The following PPIF variants were observed in gnomAD, a reference collection of about 807,000 sequenced individuals.
PPIF encodes peptidylprolyl isomerase F.
A neutral mutation model predicts 20.2 loss-of-function variants in PPIF; 23 were observed. The ratio of observed to expected loss-of-function variants is 1.14; its 90% confidence interval spans 0.82 to 1.61. The LOEUF (loss-of-function observed/expected upper bound fraction) is 1.61. Among genes scored for constraint, PPIF ranks in the 40% most tolerant of loss-of-function variants. The probability of loss-of-function intolerance (pLI) is 0.00; values close to 1 mark genes in which losing one functional copy is unlikely to be tolerated. For synonymous variants in PPIF, 113 were observed against 123.1 expected, an observed-to-expected ratio of 0.92 and a Z score of 0.54; for missense variants, 287 against 291.6, an observed-to-expected ratio of 0.98 and a Z score of 0.11.
chr10:79,353,700 C>G lies in PPIF; in HGVS notation c.489-7C>G, dbSNP rs538503665. 1.6e-5 allele frequency: 26 copies of G among 1,614,236 alleles called. No individual in the cohort carries two copies. The Admixed American group carries it at 2.3e-4, about 14-fold the overall frequency. ...CTGTTGCTCACCCGGGTCACCCGTC[C>G]TCACAGGTTGGATGGCAAGCATGTT... On this transcript the variant is annotated splice_region_variant and splice_polypyrimidine_tract_variant and intron_variant, in intron 5 of 5. Transcript: ENST00000225174.
At chr10:79,349,240 C>T (rs1467167948) in intron 2 of PPIF, 134 bp downstream of exon 2, 1 of 1,584,212 alleles carries the variant, frequency 6.3e-7, no homozygotes, top group East Asian at 2.3e-5. Context: ...GTGGCTCAGC[C>T]ATTGGGTGCT....
rs560092095 is a variant in PPIF, at chr10:79,354,872, A to G, written c.*1030A>G. The G allele has an allele frequency of 1.3e-5, 2 of 152,504 alleles. No homozygotes were observed. The highest frequency in any genetic ancestry group is 6.5e-5 in the Admixed American group (1 of 15,298). 9.4% of individuals were successfully genotyped at this position (152,504 alleles called of 1,614,324 possible). A position where few individuals can be genotyped will look rare whatever the true frequency, so the allele number is the denominator to read the frequency against. ...TCCCTGCCTTAGAGATGAGGCTCAG[A>G]CAAACGACCTTAGCACCCATAGCCT... is the stretch of plus-strand genomic sequence containing the variant. On this transcript the variant is annotated 3_prime_UTR_variant, in exon 6 of 6. Coordinates refer to ENST00000225174, the MANE Select transcript of PPIF (RefSeq NM_005729.4).
At chr10:79,353,420 A>C (rs1333359900) in intron 5 of PPIF, among the ~76,000 whole-genome samples, 2 of 152,196 alleles carry the variant, frequency 1.3e-5, no homozygotes, top group African/African-American at 4.8e-5. Context: ...CCCATGCAGA[A>C]CAAAGAATAC....
Position 79,352,298 on chromosome 10 carries a change from G to A in PPIF, c.413-19G>A. On this transcript the variant is annotated intron_variant, in intron 4 of 5. Transcript: ENST00000225174. ...GTGCCTCCAGGGGCAGCGTGGCTCA[G>A]CCCTGCTGGTTTTTGCAGGTGTCCT... The A allele has an allele frequency of 1.2e-6, 2 of 1,613,012 alleles. No individual in the cohort carries two copies. Among genetic ancestry groups the A allele is most frequent in the East Asian group, 2.2e-5 (1 of 44,880 alleles).
chr10:79,354,141 G>A lies in PPIF; in HGVS notation c.*299G>A, dbSNP rs934842602. 7.7e-6 allele frequency: 3 copies of A among 390,122 alleles called. No individual in the cohort carries two copies. The highest frequency in any genetic ancestry group is 9.4e-6 in the Non-Finnish European group (2 of 211,956). 24.2% of individuals were successfully genotyped at this position (390,122 alleles called of 1,614,324 possible). On this transcript the variant is annotated 3_prime_UTR_variant, in exon 6 of 6. Transcript: ENST00000225174. ...CAGATTCATCTGTGCCTTGGACATGGTGATGGTGATGGGTTGCCATCCAAG... is the reference window on the plus strand; with the variant it reads ...CAGATTCATCTGTGCCTTGGACATGATGATGGTGATGGGTTGCCATCCAAG...
At chr10:79,348,968 T>C (rs1855939423) in intron 1 of PPIF, 108 bp from the exon 2 acceptor site, 1 of 1,609,108 alleles carries the variant, frequency 6.2e-7, no homozygotes. Flanking sequence ...CACGTGCTTC[T>C]TCCTTAGCCT....
chr10:79,350,539 G>C (rs1855966477), intron 3 of PPIF, among the ~76,000 whole-genome samples: 1 of 152,238 alleles, frequency 6.6e-6, no homozygotes, highest in Admixed American at 6.5e-5. Flanking sequence ...GTGGCAGCGG[G>C]TTGGGACTGG....
chr10:79,349,521 T>A (rs1185611956), intron 2 of PPIF, 144 bp from the exon 3 acceptor site: 1 of 1,433,634 alleles, frequency 7.0e-7, no homozygotes. Flanking sequence ...CATAGCGAGT[T>A]GGGCAGAGCA....
chr10:79,349,629 T>C (rs1855952075), intron 2 of PPIF, 36 bp from the exon 3 acceptor site: 1 of 1,611,806 alleles, frequency 6.2e-7, no homozygotes, highest in Non-Finnish European at 8.5e-7. Flanking sequence ...AATTGGGGCC[T>C]GGCCCTGTTG....
In PPIF at chr10:79,355,071, GA is replaced by G. The variant is rs1486971013; in HGVS notation, c.*1230del. On this transcript the variant is annotated 3_prime_UTR_variant, in exon 6 of 6. Transcript: ENST00000225174. ...GGTGGGGCCTGCTACGAGGTGTTTG[GA>G]TCATGGGGACGGGTATTTCATGGCT... 6.6e-6 allele frequency: 1 copy of G among 152,330 alleles called. No homozygotes were observed. Among genetic ancestry groups the G allele is most frequent in the African/African-American group, 2.4e-5 (1 of 41,454 alleles). The allele number at this position is 152,330 out of a possible 1,614,324, so 9.4% of individuals were successfully genotyped here. A position where few individuals can be genotyped will look rare whatever the true frequency, so the allele number is the denominator to read the frequency against.
intron 4 of PPIF, 42 bp from the exon 5 acceptor site, chr10:79,352,275 G>T: frequency 6.4e-7 from 1 of 1,574,538 alleles, no homozygotes; most frequent in Non-Finnish European, 8.7e-7. Context: ...CCAGGCAGGT[G>T]CCTCCAGGGG....
chr10:79,351,278 A>T (rs1855978284), intron 3 of PPIF, among the ~76,000 whole-genome samples: 1 of 151,982 alleles, frequency 6.6e-6, no homozygotes. Context: ...AAAGGTAGTT[A>T]CGGTGACAAA....
intron 1 of PPIF, 57 bp from the exon 2 acceptor site, chr10:79,349,019 C>G: frequency 6.2e-7 from 1 of 1,613,234 alleles, no homozygotes; most frequent in Non-Finnish European, 8.5e-7. Context: ...GAGAGACACC[C>G]ACCTTCACCT....
At chr10:79,352,229 GT>G in intron 4 of PPIF, 87 bp from the exon 5 acceptor site, 1 of 1,173,662 alleles carries the variant, frequency 8.5e-7, no homozygotes, top group South Asian at 1.2e-5. Context: ...AATGTCCCTG[GT>G]GTGGTTTGCA....
Position 79,349,656 on chromosome 10 carries a change from G to C in PPIF, c.227-9G>C, listed in dbSNP as rs200266740. On this transcript the variant is annotated splice_polypyrimidine_tract_variant and intron_variant, in intron 2 of 5. Coordinates refer to ENST00000225174, the MANE Select transcript of PPIF (RefSeq NM_005729.4). ...GCCCTGTTGACCTGTGTTTCTCTTC[G>C]ACCCTCAGAGAACTTCAGAGCCCTG... 7 of 1,613,002 alleles carry C rather than the reference G, an allele frequency of 4.3e-6. No individual in the cohort carries two copies. In the East Asian group the frequency reaches 1.1e-4, roughly 26 times the overall value.
At chr10:79,348,244 G>A (rs1270024111) in intron 1 of PPIF, among the ~76,000 whole-genome samples, 2 of 152,152 alleles carry the variant, frequency 1.3e-5, no homozygotes, top group Non-Finnish European at 2.9e-5. Context: ...TCCAGCAGTA[G>A]TGCGGGCCCA....
chr10:79,351,541 C>T lies in PPIF; in HGVS notation c.370C>T (p.Arg124Cys), dbSNP rs779687777. Residue 124 changes from arginine (R) to cysteine (C), a missense_variant, in exon 4 of 6, where the codon CGC (arginine) becomes TGC (cysteine). Physicochemically the swap from Arg to Cys is radical, Grantham distance 180. Transcript: ENST00000225174. ...GTGGKSIYGS[R>C]FPDENFTLKH... Reference sequence around the variant, plus strand: ...AGGCGGGAAGTCCATCTACGGAAGCCGCTTTCCTGACGAGAACTTTACACT... The same window carrying T: ...AGGCGGGAAGTCCATCTACGGAAGCTGCTTTCCTGACGAGAACTTTACACT... 20 of 1,614,118 alleles carry T rather than the reference C, an allele frequency of 1.2e-5. No homozygotes were observed. Among genetic ancestry groups the T allele is most frequent in the Middle Eastern group, 1.7e-4 (1 of 6,060 alleles).
Position 79,353,795 on chromosome 10 carries a change from AG to A in PPIF, c.579del (p.Thr194HisfsTer13). The A allele has an allele frequency of 6.2e-7, 1 of 1,614,230 alleles. No homozygotes were observed. Among genetic ancestry groups the A allele is most frequent in the Non-Finnish European group, 8.5e-7 (1 of 1,180,022 alleles). ...AGAATCTTTCGGCTCTAAGAGTGGGAGGACATCCAAGAAGATTGTCATCACA... is the reference window on the plus strand; with the variant it reads ...AGAATCTTTCGGCTCTAAGAGTGGGAGACATCCAAGAAGATTGTCATCACA... ...KIESFGSKSG[R>X]TSKKIVITDC... is the part of the protein sequence containing the mutation. On this transcript the variant is annotated frameshift_variant, in exon 6 of 6. Coordinates refer to ENST00000225174, the MANE Select transcript of PPIF (RefSeq NM_005729.4). LOFTEE classifies it high-confidence loss of function.
Position 79,355,036 on chromosome 10 carries a change from C to T in PPIF, c.*1194C>T, listed in dbSNP as rs1856031192. 2.0e-5 allele frequency: 3 copies of T among 152,326 alleles called. No homozygotes were observed. The highest frequency in any genetic ancestry group is 7.2e-5 in the African/African-American group (3 of 41,436). The allele number at this position is 152,326 out of a possible 1,614,324, so 9.4% of individuals were successfully genotyped here. Reference sequence around the variant, plus strand: ...AAATCTCATGTTGAACTGTAATCCCCAGTGCTGGAGGTGGGGCCTGCTACG... The same window carrying T: ...AAATCTCATGTTGAACTGTAATCCCTAGTGCTGGAGGTGGGGCCTGCTACG... On this transcript the variant is annotated 3_prime_UTR_variant, in exon 6 of 6. Coordinates refer to ENST00000225174, the MANE Select transcript of PPIF (RefSeq NM_005729.4).
Sources: allele counts gnomAD v4.1 joint callset (sites outside exome capture counted in the v4.1 genomes callset), GRCh38; gene constraint gnomAD v4.1.1; transcripts MANE v1.5; gene names NCBI Gene and HGNC (gene_info 2026-07-23, HGNC 2026-07-21).